MLXIP: variants seen among roughly 807,000 people sequenced by gnomAD.
The protein encoded by MLXIP is MLX interacting protein.
MLXIP carries 30 observed loss-of-function variants against 87.2 expected under a neutral mutation model. The ratio of observed to expected loss-of-function variants is 0.34; its 90% CI spans 0.26 to 0.47. The LOEUF (loss-of-function observed/expected upper bound fraction) is 0.47, where lower values mean the gene tolerates loss of function less well. Among genes scored for constraint, MLXIP ranks in the 20% least tolerant of loss-of-function variants. The pLI is 1.00. For synonymous variants in MLXIP, 530 were observed against 514.0 expected, an observed-to-expected ratio of 1.03 and a Z score of -0.42; for missense variants, 1,002 against 1,240.1, an observed-to-expected ratio of 0.81 and a Z score of 2.88.
Position 122,144,610 on chromosome 12 carries a change from CTG to C in MLXIP, c.*2801_*2802del. On this transcript the variant is annotated 3_prime_UTR_variant, in exon 17 of 17. Coordinates refer to ENST00000319080, the MANE Select transcript of MLXIP (RefSeq NM_014938.6). ...CTAAATAAAAGAAAATAGAGGCAGA[CTG>C]TGGTGGCTCACGCCTGTAATCCCAG... 6.6e-6 allele frequency: 1 copy of C among 151,714 alleles called. No individual in the cohort carries two copies. Among genetic ancestry groups the C allele is most frequent in the South Asian group, 2.1e-4 (1 of 4,800 alleles). 9.4% of individuals were successfully genotyped at this position (151,714 alleles called of 1,614,324 possible).
intron 1 of MLXIP, among the ~76,000 whole-genome samples, chr12:122,080,912 T>G (rs1346154938): frequency 6.6e-6 from 1 of 152,176 alleles, no homozygotes; most frequent in Non-Finnish European, 1.5e-5. Flanking sequence ...TTTATTTTAA[T>G]ATAAACTTCT....
chr12:122,123,241 G>C (rs1050377948), intron 1 of MLXIP, among the ~76,000 whole-genome samples: 2 of 152,284 alleles, frequency 1.3e-5, no homozygotes, highest in Non-Finnish European at 2.9e-5. Context: ...AGAACTTCAC[G>C]CGTTGCCTCC....
intron 1 of MLXIP, among the ~76,000 whole-genome samples, chr12:122,089,009 C>CAAAAAAAAAAA (rs1177216284): frequency 2.1e-5 from 1 of 47,838 alleles, no homozygotes; most frequent in African/African-American, 6.1e-5. Context: ...CCCATCTCTA[C>CAAAAAAAAAAA]AAAAAAAAAA....
At chr12:122,093,733 CTG>C (rs1415397204) in intron 1 of MLXIP, among the ~76,000 whole-genome samples, 1 of 82,886 alleles carries the variant, frequency 1.2e-5, no homozygotes, top group Non-Finnish European at 2.4e-5. Flanking sequence ...TTTGCGGTGC[CTG>C]TGTGGTGTGT....
rs759238990 is a variant in MLXIP at position 122,135,079 on chromosome 12, A to G, written c.1733-145A>G. The G allele has an allele frequency of 1.1e-6, 1 of 936,118 alleles. No individual in the cohort carries two copies. The highest frequency in any genetic ancestry group is 1.7e-6 in the Non-Finnish European group (1 of 600,300). 58.0% of individuals were successfully genotyped at this position (936,118 alleles called of 1,614,324 possible). A position where few individuals can be genotyped will look rare whatever the true frequency, so the allele number is the denominator to read the frequency against. On this transcript the variant is annotated intron_variant, in intron 9 of 16. Transcript: ENST00000319080. This position sits in a 1 kb window ranked among gnomAD's most constrained non-coding sequence, Gnocchi z 5.3. ...ATGTCTCCTTCAAGAAGTCACACAA[A>G]TGGTTTTAGGTGCCTTGGTGGCTTT... is the stretch of plus-strand genomic sequence containing the variant.
At chr12:122,138,064 G>A (rs189821054) in intron 12 of MLXIP, 130 bp from the exon 13 acceptor site, 6 of 720,868 alleles carry the variant, frequency 8.3e-6, no homozygotes, top group Admixed American at 2.9e-5. Context: ...TCAGCTTCTC[G>A]TCGTGCCCTC....
At chr12:122,124,444 C>G (rs921570157) in intron 1 of MLXIP, among the ~76,000 whole-genome samples, 6 of 124,240 alleles carry the variant, frequency 4.8e-5, no homozygotes, top group African/African-American at 1.6e-4. Flanking sequence ...CAGCCGTCCC[C>G]CGCCCTCAGT....
chr12:122,106,111 A>C (rs545627051), intron 1 of MLXIP, among the ~76,000 whole-genome samples: 1 of 152,188 alleles, frequency 6.6e-6, no homozygotes, highest in Admixed American at 6.5e-5. Flanking sequence ...TGTTATCTCA[A>C]CTTATCCTCT....
intron 1 of MLXIP, among the ~76,000 whole-genome samples, chr12:122,099,978 C>CCG: frequency 6.6e-6 from 1 of 152,126 alleles, no homozygotes; most frequent in East Asian, 1.9e-4. Context: ...TGGTTATACC[C>CCG]CGACATTTGA....
intron 15 of MLXIP, among the ~76,000 whole-genome samples, chr12:122,140,590 G>A (rs757196217): frequency 3.3e-5 from 5 of 152,236 alleles, no homozygotes; most frequent in Non-Finnish European, 5.9e-5. Flanking sequence ...CACCGCGCCC[G>A]GCTGGCTTCT....
In MLXIP at chr12:122,130,911, G is replaced by A. The variant is rs747212632; in HGVS notation, c.978G>A (p.Met326Ile). The change falls in exon 7 of 17, where the codon ATG (methionine) becomes ATA (isoleucine). Residue 326 changes from methionine (M) to isoleucine (I), a missense_variant. Physicochemically the swap from Met to Ile is conservative, Grantham distance 10. Coordinates refer to ENST00000319080, the MANE Select transcript of MLXIP (RefSeq NM_014938.6). ...LIPLQPNLDFMDTFEPFQDLF... is the reference protein window; with the variant it reads ...LIPLQPNLDFIDTFEPFQDLF... ...CTTTGCAGCCTAACCTGGACTTCAT[G>A]GACACCTTTGAGCCTTTCCAGGGTG... is the stretch of plus-strand genomic sequence containing the variant. 22 of 1,613,368 alleles carry A rather than the reference G, an allele frequency of 1.4e-5. No individual in the cohort carries two copies. The South Asian group carries it at 2.4e-4, about 18-fold the overall frequency.
At chr12:122,121,506 G>A (rs577945075) in intron 1 of MLXIP, among the ~76,000 whole-genome samples, 126 of 150,714 alleles carry the variant, frequency 8.4e-4, no homozygotes, top group African/African-American at 3.0e-3. Context: ...CCTGACCCTC[G>A]TGATCTGCCC....
chr12:122,098,349 C>T (rs1348101550), intron 1 of MLXIP, among the ~76,000 whole-genome samples: 1 of 152,220 alleles, frequency 6.6e-6, no homozygotes, highest in Non-Finnish European at 1.5e-5. Flanking sequence ...AGATGGGGAG[C>T]AGCCACCCCC....
At chr12:122,090,711 G>A (rs1952233967) in intron 1 of MLXIP, among the ~76,000 whole-genome samples, 1 of 152,164 alleles carries the variant, frequency 6.6e-6, no homozygotes, top group African/African-American at 2.4e-5. Flanking sequence ...GCTTTATCAT[G>A]AGCAAGTAAA....
intron 9 of MLXIP, chr12:122,134,645 A>T (rs1953051375): frequency 6.4e-6 from 1 of 155,160 alleles, no homozygotes; most frequent in African/African-American, 2.5e-5. Context: ...CTGGGATTAC[A>T]GGTGTGAGCC....
chr12:122,141,371 C>A (rs1189537806), intron 16 of MLXIP, among the ~76,000 whole-genome samples: 1 of 152,190 alleles, frequency 6.6e-6, no homozygotes, highest in East Asian at 1.9e-4. Context: ...TTGTTTAATT[C>A]TTATAACAAC....
At chr12:122,087,712 C>T (rs1952188598) in intron 1 of MLXIP, among the ~76,000 whole-genome samples, 1 of 152,174 alleles carries the variant, frequency 6.6e-6, no homozygotes, top group Non-Finnish European at 1.5e-5. Flanking sequence ...ACTGGTTTAT[C>T]TCCACAGGGC....
At chr12:122,118,863 TAATAAA>T (rs1434020458) in intron 1 of MLXIP, among the ~76,000 whole-genome samples, 88 of 134,788 alleles carry the variant, frequency 6.5e-4, no homozygotes, top group African/African-American at 2.5e-3. Context: ...AAAAAATAGA[TAATAAA>T]AATAAAAAAC....
chr12:122,133,493 C>A lies in MLXIP; in HGVS notation c.1238C>A (p.Thr413Lys), dbSNP rs539442799. ...ACTGAGGACCCGTTTATCCAGCCCA[C>A]GGACTTCGGTCCCTCAGAGCCGCCA... Reference protein sequence around the residue: ...SRTEDPFIQPTDFGPSEPPLS... With the variant: ...SRTEDPFIQPKDFGPSEPPLS... The change falls in exon 9 of 17, where the codon ACG (threonine) becomes AAG (lysine). Residue 413 changes from threonine to lysine, a missense_variant. Coordinates refer to ENST00000319080, the MANE Select transcript of MLXIP (RefSeq NM_014938.6). This position sits in a 1 kb window ranked among gnomAD's most constrained non-coding sequence, Gnocchi z 4.9. The A allele has an allele frequency of 1.2e-5, 19 of 1,612,514 alleles. No homozygotes were observed. The East Asian group carries it at 3.6e-4, about 30-fold the overall frequency.
Sources: gnomAD v4.1 joint callset for allele counts (sites outside exome capture counted in the v4.1 genomes callset) on GRCh38, gnomAD v4.1.1 for gene constraint, Gnocchi (gnomAD v3.1) non-coding constraint, MANE v1.5 for transcripts, NCBI Gene and HGNC (gene_info 2026-07-23, HGNC 2026-07-21) for gene names.